GNAQ: variants seen among roughly 807,000 people sequenced by gnomAD.
GNAQ encodes the protein guanine nucleotide-binding protein G(q) subunit alpha.
In GNAQ, 8 loss-of-function variants were observed where a neutral mutation model predicts 43.9. The observed-to-expected ratio is 0.18, with a 90% confidence interval of 0.11 to 0.33. The LOEUF (loss-of-function observed/expected upper bound fraction) is 0.33. Ranked by LOEUF, GNAQ falls within the 10% of genes least tolerant of loss-of-function variation. The pLI, the probability that GNAQ is intolerant of heterozygous loss-of-function variation, is 1.00. For synonymous variants in GNAQ, 155 were observed against 170.7 expected (o/e 0.91, Z 0.71); for missense variants, 158 against 450.8 (o/e 0.35, Z 5.88).
intron 1 of GNAQ, among the ~76,000 whole-genome samples, chr9:77,968,237 C>T (rs550967854): frequency 1.3e-5 from 2 of 151,588 alleles, no homozygotes; most frequent in Admixed American, 6.6e-5. Context: ...AGAACTGAAA[C>T]GGTAGAAAGG....
At chr9:77,964,242 T>C (rs940856063) in intron 1 of GNAQ, among the ~76,000 whole-genome samples, 5 of 152,174 alleles carry the variant, frequency 3.3e-5, no homozygotes, top group African/African-American at 1.2e-4. Context: ...AATGTTTATG[T>C]ATCCAATAAC....
At chr9:77,946,058 A>G (rs1822890141) in intron 1 of GNAQ, among the ~76,000 whole-genome samples, 3 of 152,226 alleles carry the variant, frequency 2.0e-5, no homozygotes, top group African/African-American at 4.8e-5. Flanking sequence ...AATAGTTCAC[A>G]GAACAAAATA....
intron 2 of GNAQ, among the ~76,000 whole-genome samples, chr9:77,837,076 C>T (rs1327453567): frequency 1.3e-5 from 2 of 152,060 alleles, no homozygotes; most frequent in Non-Finnish European, 2.9e-5. Flanking sequence ...AATTCAGTGG[C>T]TCTTCTTCAG....
chr9:77,844,543 G>A (rs1827548579), intron 2 of GNAQ, among the ~76,000 whole-genome samples: 1 of 152,194 alleles, frequency 6.6e-6, no homozygotes, highest in African/African-American at 2.4e-5. Context: ...CTAAGATTCT[G>A]AAAATCACAA....
intron 2 of GNAQ, among the ~76,000 whole-genome samples, chr9:77,816,521 G>A (rs886212467): frequency 3.9e-5 from 6 of 151,992 alleles, no homozygotes; most frequent in Non-Finnish European, 8.8e-5. Context: ...AATATTTTAT[G>A]GTCAACCCTC....
intron 5 of GNAQ, among the ~76,000 whole-genome samples, chr9:77,786,005 CAGAG>C (rs919251735): frequency 6.6e-6 from 1 of 151,958 alleles, no homozygotes; most frequent in African/African-American, 2.4e-5. Flanking sequence ...CCAAATAGCC[CAGAG>C]AAAGACTCGT....
intron 5 of GNAQ, among the ~76,000 whole-genome samples, chr9:77,731,512 G>C (rs760005841): frequency 6.6e-6 from 1 of 152,176 alleles, no homozygotes; most frequent in Non-Finnish European, 1.5e-5. Context: ...TCTAGCTCAG[G>C]GGAAAGCTAA....
chr9:77,782,937 A>G (rs1826417788), intron 5 of GNAQ, among the ~76,000 whole-genome samples: 1 of 152,242 alleles, frequency 6.6e-6, no homozygotes, highest in African/African-American at 2.4e-5. Context: ...CATTCTAGAA[A>G]AGGGAAAACT....
At chr9:77,733,404 C>A (rs1017225467) in intron 5 of GNAQ, among the ~76,000 whole-genome samples, 1 of 152,212 alleles carries the variant, frequency 6.6e-6, no homozygotes, top group Admixed American at 6.5e-5. Context: ...CTGGCATTCA[C>A]AGCTTGGCAC....
chr9:77,947,442 C>T (rs1331706195), intron 1 of GNAQ, among the ~76,000 whole-genome samples: 1 of 152,170 alleles, frequency 6.6e-6, no homozygotes, highest in East Asian at 1.9e-4. Context: ...ATTTACTAAA[C>T]TTCACAAAAG....
At chr9:77,926,394 A>G (rs967113406) in intron 1 of GNAQ, among the ~76,000 whole-genome samples, 2 of 152,196 alleles carry the variant, frequency 1.3e-5, no homozygotes, top group African/African-American at 2.4e-5. Flanking sequence ...AGACTTCACA[A>G]TTCTCTATCT....
At position 78,031,458 on chromosome 9, in the gene GNAQ, G is replaced by C. The variant is rs890763012; in HGVS notation, c.-223C>G. 3 of 196,216 alleles carry C rather than the reference G, an allele frequency of 1.5e-5. No homozygotes were observed. The highest frequency in any genetic ancestry group is 3.1e-5 in the Non-Finnish European group (3 of 96,710). 12.2% of individuals were successfully genotyped at this position (196,216 alleles called of 1,614,324 possible). ...GTGGGAGCGGATAGTCTGGGCCGACGGGAGAAGAGAGGCGGGCGCGGGAGG... is the reference window on the plus strand; with the variant it reads ...GTGGGAGCGGATAGTCTGGGCCGACCGGAGAAGAGAGGCGGGCGCGGGAGG... On this transcript the variant is annotated 5_prime_UTR_variant, in exon 1 of 7. Coordinates refer to ENST00000286548, the MANE Select transcript of GNAQ (RefSeq NM_002072.5).
At chr9:77,915,476 T>C (rs1275323087) in intron 2 of GNAQ, among the ~76,000 whole-genome samples, 1 of 152,252 alleles carries the variant, frequency 6.6e-6, no homozygotes, top group African/African-American at 2.4e-5. Context: ...GTTAGTAGTA[T>C]TCATTCTCTA....
chr9:77,790,447 A>G (rs1472596202), intron 5 of GNAQ, among the ~76,000 whole-genome samples: 1 of 152,226 alleles, frequency 6.6e-6, no homozygotes, highest in Non-Finnish European at 1.5e-5. Flanking sequence ...CTTCATTTTA[A>G]AACCTACCAG....
chr9:77,926,005 T>A (rs1332597778), intron 1 of GNAQ, among the ~76,000 whole-genome samples: 1 of 152,250 alleles, frequency 6.6e-6, no homozygotes, highest in Non-Finnish European at 1.5e-5. Flanking sequence ...TTATTTTTAC[T>A]GTTGTATTGT....
intron 1 of GNAQ, among the ~76,000 whole-genome samples, chr9:77,975,257 A>G (rs1415480850): frequency 6.6e-6 from 1 of 152,204 alleles, no homozygotes; most frequent in African/African-American, 2.4e-5. Context: ...CATTTAAATC[A>G]TTCTGACAAC....
chr9:77,734,792 A>C (rs1490234573), intron 5 of GNAQ, among the ~76,000 whole-genome samples: 1 of 152,240 alleles, frequency 6.6e-6, no homozygotes, highest in Non-Finnish European at 1.5e-5. Flanking sequence ...CAGAGCCATC[A>C]TGCCCTTTAC....
At chr9:77,763,462 C>CA (rs1029707348) in intron 5 of GNAQ, among the ~76,000 whole-genome samples, 5 of 152,136 alleles carry the variant, frequency 3.3e-5, no homozygotes, top group African/African-American at 1.2e-4. Flanking sequence ...CCCATCTCCA[C>CA]AAAAATAATT....
At chr9:77,995,478 A>C (rs1000668778) in intron 1 of GNAQ, among the ~76,000 whole-genome samples, 2 of 152,202 alleles carry the variant, frequency 1.3e-5, no homozygotes, top group Admixed American at 1.3e-4. Context: ...GTGAGGGCAG[A>C]AGCTTATTAA....
Sources: gnomAD v4.1 joint callset for allele counts (sites outside exome capture counted in the v4.1 genomes callset) on GRCh38, gnomAD v4.1.1 for gene constraint, MANE v1.5 for transcripts, NCBI Gene and HGNC (gene_info 2026-07-23, HGNC 2026-07-21) for gene names.